SYN3: variants seen among roughly 807,000 people sequenced by gnomAD.
SYN3 encodes synapsin III, also known as synapsin-3.
In SYN3, 35 loss-of-function variants were observed where a neutral mutation model predicts 65.8. The observed-to-expected ratio is 0.53, with a 90% CI of 0.41 to 0.70. SYN3 has a LOEUF of 0.70. Among genes scored for constraint, SYN3 ranks in the 30% least tolerant of loss-of-function variants. The probability of loss-of-function intolerance (pLI) is 0.00; values close to 1 mark genes in which losing one functional copy is unlikely to be tolerated. For missense variants in SYN3, 680 were observed against 749.0 expected (o/e 0.91, Z 1.08); for synonymous variants, 270 against 292.9 (o/e 0.92, Z 0.80).
At chr22:33,008,924 C>CAAAAAAAAAAAAAAAAAAAA (rs201719238) in intron 1 of SYN3, among the ~76,000 whole-genome samples, 3 of 57,066 alleles carry the variant, frequency 5.3e-5, no homozygotes, top group African/African-American at 1.3e-4. Context: ...GACTTTATCT[C>CAAAAAAAAAAAAAAAAAAAA]AAAAAAAAAA....
intron 6 of SYN3, among the ~76,000 whole-genome samples, chr22:32,704,224 T>C (rs1454215146): frequency 1.3e-5 from 2 of 152,140 alleles, no homozygotes; most frequent in African/African-American, 2.4e-5. Context: ...CCTCTCACTC[T>C]CCTGGCTCAA....
At chr22:32,700,528 C>T (rs1029215923) in intron 6 of SYN3, among the ~76,000 whole-genome samples, 6 of 152,144 alleles carry the variant, frequency 3.9e-5, no homozygotes, top group Non-Finnish European at 7.4e-5. Context: ...AACCAGGAGG[C>T]AAGGGGAAAC....
At chr22:32,520,686 A>T (rs769458949) in intron 12 of SYN3, among the ~76,000 whole-genome samples, 8 of 152,182 alleles carry the variant, frequency 5.3e-5, no homozygotes, top group Admixed American at 1.3e-4. Context: ...AGGGGCAAGG[A>T]CTAGATTTCA....
At chr22:32,986,926 G>A (rs900908497) in intron 2 of SYN3, among the ~76,000 whole-genome samples, 1 of 152,112 alleles carries the variant, frequency 6.6e-6, no homozygotes. Flanking sequence ...TGCCTGGGGT[G>A]GGAAATCCCT....
intron 1 of SYN3, among the ~76,000 whole-genome samples, chr22:33,043,376 C>G (rs112971392): frequency 6.6e-6 from 1 of 151,954 alleles, no homozygotes; most frequent in Admixed American, 6.6e-5. Flanking sequence ...GGCGAAACCC[C>G]GTCTCTACTA....
rs1004176539 is a variant in SYN3 at position 32,512,606 on chromosome 22, ATATAT to A, written c.*1081_*1085del. 2.0e-5 allele frequency: 3 copies of A among 152,276 alleles called. No homozygotes were observed. Among genetic ancestry groups the A allele is most frequent in the African/African-American group, 7.2e-5 (3 of 41,476 alleles). The allele number at this position is 152,276 out of a possible 1,614,324, so 9.4% of individuals were successfully genotyped here. A position where few individuals can be genotyped will look rare whatever the true frequency, so the allele number is the denominator to read the frequency against. On this transcript the variant is annotated 3_prime_UTR_variant, in exon 14 of 14. Coordinates refer to ENST00000358763, the MANE Select transcript of SYN3 (RefSeq NM_003490.4). The stretch of plus-strand genomic sequence containing the variant: ...TGCAGGAATTCCGAAAGCCTTTGAC[ATATAT>A]TATATACAATGCGTCTCCAAAAAAA...
chr22:32,540,819 A>G (rs2058241840), intron 8 of SYN3, among the ~76,000 whole-genome samples: 1 of 152,214 alleles, frequency 6.6e-6, no homozygotes, highest in Non-Finnish European at 1.5e-5. Context: ...AAGTTGGACT[A>G]ATCAGTACTT....
chr22:32,646,739 G>A (rs972290167), intron 6 of SYN3, among the ~76,000 whole-genome samples: 4 of 152,164 alleles, frequency 2.6e-5, no homozygotes, highest in Non-Finnish European at 5.9e-5. Context: ...CTGGCTTTGT[G>A]AGCAGAGACT....
At chr22:32,994,915 A>C (rs1404288135) in intron 2 of SYN3, among the ~76,000 whole-genome samples, 1 of 152,184 alleles carries the variant, frequency 6.6e-6, no homozygotes, top group African/African-American at 2.4e-5. Flanking sequence ...GCCGTGTACC[A>C]GCTCCACCCA....
rs145080028 is a variant in SYN3 at position 32,641,733 on chromosome 22, G to A, written c.712-44997C>T. ...AGGAAAATGGTCTAAAATTGAAGGTGGTAATGGTTGCACATATCTGCGAAT... is the reference window on the plus strand; with the variant it reads ...AGGAAAATGGTCTAAAATTGAAGGTAGTAATGGTTGCACATATCTGCGAAT... On this transcript the variant is annotated intron_variant, in intron 6 of 13. Transcript: ENST00000358763. Among the ~76,000 whole-genome samples, 534 of 151,920 alleles carry A rather than the reference G, an allele frequency of 3.5e-3. 3 individuals carry two copies. Among genetic ancestry groups the A allele is most frequent in the African/African-American group, 0.012 (483 of 41,406 alleles).
chr22:32,800,259 G>C (rs1261431022), intron 6 of SYN3, among the ~76,000 whole-genome samples: 1 of 152,174 alleles, frequency 6.6e-6, no homozygotes, highest in Non-Finnish European at 1.5e-5. Context: ...AAGCGGAAGA[G>C]AAAGGGAAAG....
intron 6 of SYN3, among the ~76,000 whole-genome samples, chr22:32,693,739 G>A (rs1454676703): frequency 3.3e-5 from 5 of 151,496 alleles, no homozygotes; most frequent in African/African-American, 9.7e-5. Flanking sequence ...TTACAGGTGT[G>A]AGCCACCATG....
At chr22:32,690,398 A>G (rs984015278) in intron 6 of SYN3, among the ~76,000 whole-genome samples, 2 of 152,134 alleles carry the variant, frequency 1.3e-5, no homozygotes, top group Admixed American at 1.3e-4. Context: ...ATGGATTAAG[A>G]CACTCACAAA....
intron 7 of SYN3, among the ~76,000 whole-genome samples, chr22:32,551,778 A>G (rs553988449): frequency 6.6e-6 from 1 of 152,316 alleles, no homozygotes; most frequent in African/African-American, 2.4e-5. Context: ...TATGGGTGAA[A>G]TGACTTGATA....
At chr22:32,997,648 A>G (rs543315345) in intron 2 of SYN3, among the ~76,000 whole-genome samples, 5 of 152,298 alleles carry the variant, frequency 3.3e-5, no homozygotes, top group Non-Finnish European at 1.5e-5. Flanking sequence ...AGCATTTGCC[A>G]GTTTCCACAG....
Position 32,868,967 on chromosome 22 carries a change from AC to A in SYN3, c.619del (p.Val207CysfsTer40), listed in dbSNP as rs1569290173. The A allele has an allele frequency of 6.2e-7, 1 of 1,613,266 alleles. No individual in the cohort carries two copies. Among genetic ancestry groups the A allele is most frequent in the Admixed American group, 1.7e-5 (1 of 59,954 alleles). ...SVYNFCSKPW[V>X]FSQLIKIFHS... ...AGGTCAGCCTGCCCTGTCACCTACC[AC>A]CCAGGGCTTGCTGCAGAAGTTGTAG... is the stretch of plus-strand genomic sequence containing the variant. On this transcript the variant is annotated frameshift_variant and splice_region_variant, in exon 5 of 14. Transcript: ENST00000358763. LOFTEE classifies it high-confidence loss of function.
chr22:32,816,626 T>G (rs2047094133), intron 6 of SYN3, among the ~76,000 whole-genome samples: 1 of 152,186 alleles, frequency 6.6e-6, no homozygotes, highest in African/African-American at 2.4e-5. Flanking sequence ...CCTGCCAGGT[T>G]AGAAAGATGG....
chr22:32,983,917 T>TGG (rs937453024), intron 2 of SYN3, among the ~76,000 whole-genome samples: 3 of 152,060 alleles, frequency 2.0e-5, no homozygotes, highest in African/African-American at 7.2e-5. Flanking sequence ...CCCAGCACTT[T>TGG]GGGAGGCTGA....
chr22:32,589,715 G>A lies in SYN3; in HGVS notation c.774+6959C>T, dbSNP rs192652814. Among the ~76,000 whole-genome samples, 15 of 152,162 alleles carry A rather than the reference G, an allele frequency of 9.9e-5. No homozygotes were observed. In the East Asian group the frequency reaches 1.6e-3, roughly 16 times the overall value. On this transcript the variant is annotated intron_variant, in intron 7 of 13. Transcript: ENST00000358763. ...TGCCCACTAGATGTTATGTAGAATC[G>A]GTCTAATCTATCTTCCCATGATAAT...
Sources: allele counts gnomAD v4.1 joint callset (sites outside exome capture counted in the v4.1 genomes callset), GRCh38; gene constraint gnomAD v4.1.1; transcripts MANE v1.5; gene names NCBI Gene and HGNC (gene_info 2026-07-23, HGNC 2026-07-21).